DAPK2: variants seen among roughly 807,000 people sequenced by gnomAD.
DAPK2 encodes death associated protein kinase 2.
A neutral mutation model predicts 44.1 loss-of-function variants in DAPK2; 35 were observed. The ratio of observed to expected loss-of-function variants is 0.79; its 90% CI spans 0.61 to 1.05. DAPK2 has a LOEUF of 1.05. DAPK2 is among the 50% of genes least tolerant of loss of function. DAPK2 has a pLI of 0.00. For synonymous variants in DAPK2, 174 were observed against 182.6 expected, an observed-to-expected ratio of 0.95 and a Z score of 0.38; for missense variants, 453 against 483.2, an observed-to-expected ratio of 0.94 and a Z score of 0.59.
intron 1 of DAPK2, among the ~76,000 whole-genome samples, chr15:64,032,143 C>T (rs988082689): frequency 6.6e-6 from 1 of 152,146 alleles, no homozygotes; most frequent in Non-Finnish European, 1.5e-5. Context: ...AGGAGCCCAG[C>T]CTGGAAACCT....
At position 63,983,746 on chromosome 15, in the gene DAPK2, A is replaced by G. The variant is rs547035765; in HGVS notation, c.101T>C (p.Phe34Ser). 5.0e-6 allele frequency: 8 copies of G among 1,611,270 alleles called. 1 individual carries two copies. In the East Asian group the frequency reaches 1.1e-4, roughly 22 times the overall value. Residue 34 changes from phenylalanine to serine, a missense_variant, in exon 2 of 11, where the codon TTT becomes TCT. Phe to Ser is a radical substitution (Grantham distance 155). Coordinates refer to ENST00000261891, the Ensembl canonical transcript of DAPK2. ...CTCCCGGCACTTCTTCACGATGGCAAACTGGCCACTGTGGGGACACAGACC... is the reference window on the plus strand; with the variant it reads ...CTCCCGGCACTTCTTCACGATGGCAGACTGGCCACTGTGGGGACACAGACC...
intron 3 of DAPK2, among the ~76,000 whole-genome samples, chr15:63,942,905 C>T (rs1358200992): frequency 6.6e-6 from 1 of 152,056 alleles, no homozygotes; most frequent in African/African-American, 2.4e-5. Context: ...CTGGGTTGCC[C>T]AAGGGTTTTG....
At chr15:64,019,940 G>A (rs2079637324) in intron 1 of DAPK2, among the ~76,000 whole-genome samples, 1 of 152,150 alleles carries the variant, frequency 6.6e-6, no homozygotes, top group Non-Finnish European at 1.5e-5. Context: ...CCATTTTCAT[G>A]CCACAGAGTC....
At chr15:64,011,742 A>T (rs1380389257) in intron 1 of DAPK2, among the ~76,000 whole-genome samples, 1 of 152,220 alleles carries the variant, frequency 6.6e-6, no homozygotes, top group African/African-American at 2.4e-5. Context: ...AAGCAGTCAG[A>T]TGTTGTTGGT....
intron 1 of DAPK2, among the ~76,000 whole-genome samples, chr15:64,018,361 C>T (rs1351962219): frequency 6.6e-6 from 1 of 152,208 alleles, no homozygotes; most frequent in Non-Finnish European, 1.5e-5. Context: ...GAAATTAGCT[C>T]TACTAACCCA....
intron 1 of DAPK2, among the ~76,000 whole-genome samples, chr15:63,987,765 C>T (rs2078705200): frequency 6.6e-6 from 1 of 152,192 alleles, no homozygotes; most frequent in Non-Finnish European, 1.5e-5. Flanking sequence ...CTCCAAATTC[C>T]TAACTCTGGG....
At chr15:63,994,586 C>CTT (rs11346004) in intron 1 of DAPK2, among the ~76,000 whole-genome samples, 5 of 93,300 alleles carry the variant, frequency 5.4e-5, no homozygotes, top group Admixed American at 1.2e-4. Context: ...ATCTTTTTTA[C>CTT]TTTTTTTTTT....
At chr15:63,921,892 G>C (rs926801529) in intron 8 of DAPK2, 5 of 152,148 alleles carry the variant, frequency 3.3e-5, no homozygotes, top group African/African-American at 1.2e-4. Context: ...TGCCTTCTGG[G>C]ACAGAGCTCC....
chr15:63,999,192 T>G (rs993133906), intron 1 of DAPK2, among the ~76,000 whole-genome samples: 3 of 152,184 alleles, frequency 2.0e-5, no homozygotes, highest in African/African-American at 7.2e-5. Flanking sequence ...CAGAGGCCAG[T>G]AAGAAGCAAA....
At chr15:63,924,909 G>A in intron 7 of DAPK2, 48 bp from the exon 9 acceptor site, 1 of 1,602,766 alleles carries the variant, frequency 6.2e-7, no homozygotes, top group Non-Finnish European at 8.5e-7. Flanking sequence ...GACAGAAGTT[G>A]GGAGCAACCA....
At chr15:63,907,461 C>G (rs1443752420) in exon 11 of DAPK2, 2 of 152,064 alleles carry the variant, frequency 1.3e-5, no homozygotes, top group Non-Finnish European at 1.5e-5. Context: ...TCTCTGTCAC[C>G]CAGACTGGAG....
intron 1 of DAPK2, among the ~76,000 whole-genome samples, chr15:64,015,788 C>A (rs1334309379): frequency 6.6e-6 from 1 of 152,072 alleles, no homozygotes; most frequent in Non-Finnish European, 1.5e-5. Context: ...TGTCTACAAG[C>A]CAAGAACACA....
At chr15:64,009,105 C>T (rs1028119913) in intron 1 of DAPK2, among the ~76,000 whole-genome samples, 3 of 152,138 alleles carry the variant, frequency 2.0e-5, no homozygotes, top group African/African-American at 7.2e-5. Context: ...GGATTCAGCC[C>T]ATTTTACTGA....
chr15:64,015,356 T>C (rs1393514766), intron 1 of DAPK2, among the ~76,000 whole-genome samples: 1 of 152,102 alleles, frequency 6.6e-6, no homozygotes, highest in East Asian at 1.9e-4. Flanking sequence ...TGCCTAAAGG[T>C]CTAAAGGATC....
At chr15:63,945,684 T>C (rs1224288392) in intron 3 of DAPK2, among the ~76,000 whole-genome samples, 1 of 152,114 alleles carries the variant, frequency 6.6e-6, no homozygotes, top group African/African-American at 2.4e-5. Flanking sequence ...CCCAAGGCCA[T>C]GTGAGCTTAA....
intron 2 of DAPK2, among the ~76,000 whole-genome samples, chr15:63,977,671 T>G (rs1327133206): frequency 6.6e-6 from 1 of 152,174 alleles, no homozygotes; most frequent in African/African-American, 2.4e-5. Context: ...TAGAGTTTAT[T>G]TGAAGTTTGC....
chr15:64,033,868 T>C (rs1013009001), intron 1 of DAPK2, among the ~76,000 whole-genome samples: 5 of 150,090 alleles, frequency 3.3e-5, no homozygotes, highest in Admixed American at 2.7e-4. Flanking sequence ...TGAGCCGAGA[T>C]GGCGCCACTG....
chr15:63,975,398 C>T (rs2078315702), intron 2 of DAPK2, among the ~76,000 whole-genome samples: 2 of 152,096 alleles, frequency 1.3e-5, no homozygotes, highest in African/African-American at 2.4e-5. Context: ...ATGCCTTATG[C>T]ACATTATCTC....
chr15:63,910,963 T>C (rs1392525520), intron 10 of DAPK2: 1 of 152,302 alleles, frequency 6.6e-6, no homozygotes, highest in Non-Finnish European at 1.5e-5. Context: ...CTTATGCCTG[T>C]AATCCCAGCA....
Sources: gnomAD v4.1 joint callset for allele counts (sites outside exome capture counted in the v4.1 genomes callset) on GRCh38, gnomAD v4.1.1 for gene constraint, MANE v1.5 for transcripts, NCBI Gene and HGNC (gene_info 2026-07-23, HGNC 2026-07-21) for gene names.